Variants in SPO11 observed in about 807,000 individuals in gnomAD.
The protein encoded by SPO11 is meiotic recombination protein SPO11.
Under a neutral mutation model 51.6 loss-of-function variants are expected in SPO11, and 49 were observed. That is an observed-to-expected ratio of 0.95 (90% confidence interval 0.75 to 1.20). SPO11 has a LOEUF of 1.20. Among genes scored for constraint, SPO11 ranks in the 50% most tolerant of loss-of-function variants. The pLI, the probability that SPO11 is intolerant of heterozygous loss-of-function variation, is 0.00. For missense variants in SPO11, 431 were observed against 473.4 expected (o/e 0.91, Z 0.83); for synonymous variants, 176 against 158.2 (o/e 1.11, Z -0.84).
At chr20:57,335,773 C>A in intron 7 of SPO11, 25 bp from the exon 8 acceptor site, 1 of 1,388,530 alleles carries the variant, frequency 7.2e-7, no homozygotes, top group South Asian at 1.2e-5. Context: ...CTCTTGCTTT[C>A]AATTTATCAG....
intron 8 of SPO11, 35 bp downstream of exon 8, chr20:57,335,942 A>AATGT (rs1330313069): frequency 8.4e-7 from 1 of 1,195,398 alleles, no homozygotes; most frequent in Non-Finnish European, 1.2e-6. Context: ...TTCCAAGACT[A>AATGT]ATGTATACTG....
At chr20:57,332,495 C>T (rs28368073) in intron 2 of SPO11, among the ~76,000 whole-genome samples, 1 of 152,056 alleles carries the variant, frequency 6.6e-6, no homozygotes, top group Non-Finnish European at 1.5e-5. Context: ...CTAGTTATAC[C>T]GGTTTTTTCC....
rs1243435128 is a variant in SPO11, at chr20:57,343,922, A to G, written c.*462A>G. 1 of 152,594 alleles carries G rather than the reference A, an allele frequency of 6.6e-6. No homozygotes were observed. The highest frequency in any genetic ancestry group is 1.5e-5 in the Non-Finnish European group (1 of 68,382). 9.5% of individuals were successfully genotyped at this position (152,594 alleles called of 1,614,324 possible). On this transcript the variant is annotated 3_prime_UTR_variant, in exon 13 of 13. Transcript: ENST00000371263. ...ACATTTTCCTTTGCCTTTATACTTT[A>G]GGGGTCTTACTCCATTAATTCATTT...
chr20:57,336,508 T>C (rs1299180175), intron 8 of SPO11, among the ~76,000 whole-genome samples: 1 of 152,170 alleles, frequency 6.6e-6, no homozygotes, highest in Non-Finnish European at 1.5e-5. Flanking sequence ...GTTCAAAAAC[T>C]TTTGGTTTTG....
intron 10 of SPO11, among the ~76,000 whole-genome samples, chr20:57,339,621 T>C (rs1226558003): frequency 6.6e-6 from 1 of 152,278 alleles, no homozygotes; most frequent in East Asian, 1.9e-4. Context: ...ATGAAAAGGA[T>C]GGTGGAGCAG....
At chr20:57,331,537 T>C (rs1257127557) in intron 1 of SPO11, among the ~76,000 whole-genome samples, 1 of 152,236 alleles carries the variant, frequency 6.6e-6, no homozygotes, top group East Asian at 1.9e-4. Context: ...TAGTCATTAA[T>C]GTAAAAGGGA....
chr20:57,330,627 G>A (rs968818099), intron 1 of SPO11, among the ~76,000 whole-genome samples: 1 of 152,100 alleles, frequency 6.6e-6, no homozygotes, highest in Non-Finnish European at 1.5e-5. Flanking sequence ...ACATGACTAC[G>A]TTATTGACCA....
At chr20:57,331,274 T>G (rs1023182605) in intron 1 of SPO11, among the ~76,000 whole-genome samples, 5 of 152,252 alleles carry the variant, frequency 3.3e-5, no homozygotes, top group Admixed American at 2.0e-4. Flanking sequence ...GGGTAGTGAT[T>G]AAACGTTTTC....
rs140127120 is a variant in SPO11, at chr20:57,342,216, G to T, written c.960-513G>T. 3.8e-3 allele frequency among the ~76,000 whole-genome samples: 573 copies of T among 151,606 alleles called. 4 individuals carry two copies. Among genetic ancestry groups the T allele is most frequent in the African/African-American group, 0.012 (508 of 40,960 alleles). On this transcript the variant is annotated intron_variant, in intron 11 of 12. Coordinates refer to ENST00000371263, the MANE Select transcript of SPO11 (RefSeq NM_012444.3). The stretch of plus-strand genomic sequence containing the variant: ...AAGTGTGTGTGTGTGTGTGTAAAAT[G>T]ATAAAAGTGAGACACTAACTTCCAT...
chr20:57,337,194 GCTCT>G (rs1488692104), intron 8 of SPO11, among the ~76,000 whole-genome samples: 2 of 152,058 alleles, frequency 1.3e-5, no homozygotes, highest in African/African-American at 4.8e-5. Flanking sequence ...CTCTTCCTCT[GCTCT>G]CTGTTTCATT....
In SPO11 at chr20:57,334,086, T is replaced by C. The variant is rs775257764; in HGVS notation, c.501T>C (p.Ser167=). Residue 167 remains serine, a synonymous_variant, in exon 5 of 13, where the codon AGT becomes AGC. Coordinates refer to ENST00000371263, the MANE Select transcript of SPO11 (RefSeq NM_012444.3). The stretch of plus-strand genomic sequence containing the variant: ...GCATGTTAAAAGTGTCAAGGAGGAG[T>C]CTACATATAGTAAGTAGTACCTAAT... ...ISCMLKVSRR[S]LHILSTSKGL... The C allele has an allele frequency of 1.5e-5, 23 of 1,531,190 alleles. No homozygotes were observed. Among genetic ancestry groups the C allele is most frequent in the Non-Finnish European group, 1.7e-5 (19 of 1,120,138 alleles). 94.9% of individuals were successfully genotyped at this position (1,531,190 alleles called of 1,614,324 possible).
At chr20:57,334,886 C>T in intron 6 of SPO11, 50 bp downstream of exon 6, 2 of 1,471,336 alleles carry the variant, frequency 1.4e-6, no homozygotes, top group East Asian at 2.3e-5. Flanking sequence ...CTAGCTCCTT[C>T]AGTTTTGAAG....
chr20:57,338,214 G>C (rs1219417009), intron 8 of SPO11, 62 bp from the exon 9 acceptor site: 1 of 1,177,540 alleles, frequency 8.5e-7, no homozygotes, highest in Non-Finnish European at 1.3e-6. Flanking sequence ...ATTAATAAGA[G>C]TATAATTGTA....
At chr20:57,332,169 T>C (rs1184293647) in intron 2 of SPO11, among the ~76,000 whole-genome samples, 1 of 152,192 alleles carries the variant, frequency 6.6e-6, no homozygotes, top group East Asian at 1.9e-4. Flanking sequence ...ACCAACAGAA[T>C]GGAGCACCAG....
Position 57,342,542 on chromosome 20 carries a change from A to G in SPO11, c.960-187A>G, listed in dbSNP as rs190799034. Among the ~76,000 whole-genome samples the G allele has an allele frequency of 3.1e-3, 468 of 152,370 alleles. 1 individual carries two copies. Among genetic ancestry groups the G allele is most frequent in the Non-Finnish European group, 3.5e-3 (239 of 68,036 alleles). On this transcript the variant is annotated intron_variant, in intron 11 of 12. Transcript: ENST00000371263. ...TACTGTGGAAACACAAACTTCCACT[A>G]TGAACTTGAAAACTTGCTGGTCTAA...
At chr20:57,337,714 T>A (rs1276622269) in intron 8 of SPO11, 19 of 1,294,630 alleles carry the variant, frequency 1.5e-5, no homozygotes, top group Non-Finnish European at 1.7e-5. Flanking sequence ...TCTGTTTGTA[T>A]ATAATGTACA....
intron 1 of SPO11, 27 bp downstream of exon 1, chr20:57,330,025 C>A: frequency 6.4e-7 from 1 of 1,551,218 alleles, no homozygotes; most frequent in Non-Finnish European, 8.7e-7. Context: ...CGAGGCGCGA[C>A]GCAGCCACTC....
chr20:57,334,667 C>A, intron 5 of SPO11, 83 bp from the exon 6 acceptor site: 1 of 995,138 alleles, frequency 1.0e-6, no homozygotes, highest in Non-Finnish European at 1.5e-6. Flanking sequence ...GCCAGTAATT[C>A]AGCAGATGAA....
intron 3 of SPO11, 93 bp downstream of exon 3, chr20:57,333,369 TG>T: frequency 2.3e-6 from 2 of 858,364 alleles, no homozygotes; most frequent in Non-Finnish European, 3.6e-6. Flanking sequence ...TAATTTTACC[TG>T]TTTTTAATAG....
Sources: allele counts gnomAD v4.1 joint callset (sites outside exome capture counted in the v4.1 genomes callset), GRCh38; gene constraint gnomAD v4.1.1; transcripts MANE v1.5; gene names NCBI Gene and HGNC (gene_info 2026-07-23, HGNC 2026-07-21).